The following KHDRBS2 variants were observed in gnomAD, a reference collection of about 807,000 sequenced individuals.
KHDRBS2 encodes KH domain-containing, RNA-binding, signal transduction-associated protein 2.
KHDRBS2 carries 26 observed loss-of-function variants against 44.3 expected under a neutral mutation model. The observed-to-expected ratio is 0.59, with a 90% CI of 0.43 to 0.81. The LOEUF (loss-of-function observed/expected upper bound fraction) is 0.81. KHDRBS2 is among the 40% of genes least tolerant of loss of function. The pLI is 0.00. For synonymous variants in KHDRBS2, 194 were observed against 151.1 expected, an observed-to-expected ratio of 1.28 and a Z score of -2.08; for missense variants, 476 against 433.1, an observed-to-expected ratio of 1.10 and a Z score of -0.88.
the KHDRBS2 span, among the ~76,000 whole-genome samples, chr6:61,553,446 AACC>A: frequency 0.034 from 5,217 of 152,146 alleles, 292 homozygotes; most frequent in African/African-American, 0.12. Flanking sequence ...TTCTTCAGAA[AACC>A]AACAACTCCT....
At chr6:61,938,388 A>G (rs1811448895) in intron 4 of KHDRBS2, among the ~76,000 whole-genome samples, 1 of 152,154 alleles carries the variant, frequency 6.6e-6, no homozygotes. Flanking sequence ...AGGATATGCT[A>G]TAAAGATGAG....
chr6:61,858,023 C>T (rs1378717699), intron 6 of KHDRBS2, among the ~76,000 whole-genome samples: 1 of 151,772 alleles, frequency 6.6e-6, no homozygotes, highest in Non-Finnish European at 1.5e-5. Flanking sequence ...GGTCAAGTAA[C>T]ATGGACTCAC....
At chr6:62,226,797 T>C (rs1286758250) in intron 1 of KHDRBS2, among the ~76,000 whole-genome samples, 4 of 152,210 alleles carry the variant, frequency 2.6e-5, no homozygotes, top group African/African-American at 9.6e-5. Context: ...TCCCCATTAC[T>C]TGTTTTTTTC....
intron 2 of KHDRBS2, among the ~76,000 whole-genome samples, chr6:62,173,041 A>T (rs1447570415): frequency 6.6e-6 from 1 of 152,066 alleles, no homozygotes; most frequent in Admixed American, 6.6e-5. Flanking sequence ...GAGAAACAAG[A>T]GCAAACCAAC....
At chr6:62,065,542 C>A (rs1793417437) in intron 2 of KHDRBS2, among the ~76,000 whole-genome samples, 2 of 146,490 alleles carry the variant, frequency 1.4e-5, no homozygotes, top group Admixed American at 1.4e-4. Context: ...AACAAAAAAC[C>A]AAACACCGCA....
chr6:62,205,554 C>T (rs988998023), intron 1 of KHDRBS2, among the ~76,000 whole-genome samples: 1 of 152,094 alleles, frequency 6.6e-6, no homozygotes, highest in Non-Finnish European at 1.5e-5. Flanking sequence ...TACGGGTCTC[C>T]TTCCCTTTGG....
chr6:62,190,508 T>C (rs1053952886), intron 1 of KHDRBS2, among the ~76,000 whole-genome samples: 4 of 152,108 alleles, frequency 2.6e-5, no homozygotes, highest in African/African-American at 9.7e-5. Context: ...AATCCTTTTG[T>C]TGAGGTCGTC....
intron 3 of KHDRBS2, among the ~76,000 whole-genome samples, chr6:62,040,512 T>C (rs1439319019): frequency 2.0e-5 from 3 of 152,036 alleles, no homozygotes; most frequent in African/African-American, 7.2e-5. Context: ...TCCAGGATTT[T>C]TTGGGCCATA....
chr6:62,050,161 G>T (rs537298278), intron 2 of KHDRBS2, among the ~76,000 whole-genome samples: 1 of 152,044 alleles, frequency 6.6e-6, no homozygotes, highest in Non-Finnish European at 1.5e-5. Flanking sequence ...GTTGAAGCTG[G>T]AAACCATCAT....
chr6:62,210,793 T>C (rs1254133862), intron 1 of KHDRBS2, among the ~76,000 whole-genome samples: 1 of 152,138 alleles, frequency 6.6e-6, no homozygotes, highest in East Asian at 1.9e-4. Flanking sequence ...ATTAATTTAA[T>C]TCATTGATAT....
intron 2 of KHDRBS2, among the ~76,000 whole-genome samples, chr6:62,157,252 G>C (rs140459482): frequency 6.9e-4 from 104 of 151,800 alleles, no homozygotes; most frequent in African/African-American, 2.4e-3. Flanking sequence ...GAACCCAGGA[G>C]GGGGAGGTTG....
At chr6:62,269,876 C>T (rs912802610) in intron 1 of KHDRBS2, among the ~76,000 whole-genome samples, 11 of 151,950 alleles carry the variant, frequency 7.2e-5, no homozygotes, top group South Asian at 6.2e-4. Context: ...ATTTGGTCAA[C>T]GGTGTACTTC....
intron 6 of KHDRBS2, among the ~76,000 whole-genome samples, chr6:61,776,091 T>C (rs1167375557): frequency 6.6e-6 from 1 of 152,176 alleles, no homozygotes; most frequent in Non-Finnish European, 1.5e-5. Flanking sequence ...TAGCCATATG[T>C]AGAAAGCTGA....
At chr6:61,774,807 C>G (rs1001575562) in intron 6 of KHDRBS2, among the ~76,000 whole-genome samples, 1 of 152,096 alleles carries the variant, frequency 6.6e-6, no homozygotes, top group African/African-American at 2.4e-5. Flanking sequence ...CAGCATCATC[C>G]TGATACCAAA....
chr6:61,785,188 C>A (rs1439173181), intron 6 of KHDRBS2, among the ~76,000 whole-genome samples: 2 of 151,388 alleles, frequency 1.3e-5, no homozygotes, highest in Admixed American at 1.3e-4. Flanking sequence ...CAAAAAAAAA[C>A]AGACAATCAA....
At chr6:61,840,214 TAA>T (rs146860012) in intron 6 of KHDRBS2, among the ~76,000 whole-genome samples, 223 of 152,208 alleles carry the variant, frequency 1.5e-3, no homozygotes, top group Middle Eastern at 6.8e-3. Flanking sequence ...TTAAAATATA[TAA>T]GTTTGCCAAT....
chr6:62,074,134 T>TA (rs1485184886), intron 2 of KHDRBS2, among the ~76,000 whole-genome samples: 1 of 151,864 alleles, frequency 6.6e-6, no homozygotes, highest in Non-Finnish European at 1.5e-5. Flanking sequence ...CACATAAACC[T>TA]ATCAGCATGA....
At chr6:61,943,309 G>A (rs1583640076) in intron 4 of KHDRBS2, among the ~76,000 whole-genome samples, 1 of 151,882 alleles carries the variant, frequency 6.6e-6, no homozygotes, top group African/African-American at 2.4e-5. Flanking sequence ...GGAAGCATAT[G>A]AAAGTACGGT....
At chr6:62,271,808 T>C (rs997946142) in intron 1 of KHDRBS2, among the ~76,000 whole-genome samples, 6 of 152,040 alleles carry the variant, frequency 3.9e-5, no homozygotes, top group Admixed American at 2.0e-4. Context: ...GTTTAGCTAA[T>C]TGCAAAAAGT....
Sources: gnomAD v4.1 joint callset for allele counts (sites outside exome capture counted in the v4.1 genomes callset) on GRCh38, gnomAD v4.1.1 for gene constraint, MANE v1.5 for transcripts, NCBI Gene and HGNC (gene_info 2026-07-23, HGNC 2026-07-21) for gene names.